Variants in MYL1 observed in about 807,000 individuals in gnomAD.
MYL1 encodes the protein myosin light chain 1.
In MYL1, 16 loss-of-function variants were observed where a neutral mutation model predicts 21.8. The ratio of observed to expected loss-of-function variants is 0.74; its 90% CI spans 0.50 to 1.12. The LOEUF (loss-of-function observed/expected upper bound fraction) is 1.12. Ranked by LOEUF, MYL1 falls within the 50% of genes most tolerant of loss-of-function variation. MYL1 has a pLI of 0.00. For synonymous variants in MYL1, 99 were observed against 85.2 expected (o/e 1.16, Z -0.89); for missense variants, 246 against 241.0 (o/e 1.02, Z -0.14).
rs1690280707 is a variant in MYL1 at position 210,302,618 on chromosome 2, T to G, written c.133-103A>C. 2.0e-6 allele frequency: 3 copies of G among 1,502,150 alleles called. No homozygotes were observed. The Admixed American group carries it at 6.1e-5, about 31-fold the overall frequency. The allele number at this position is 1,502,150 out of a possible 1,614,324, so 93.1% of individuals were successfully genotyped here. ...TCCCTGAGTAATCTTCAAAGTAAGC[T>G]CCAAAAGTCAGCCTACTTTTCAGAG... On this transcript the variant is annotated intron_variant, in intron 1 of 6. Transcript: ENST00000352451.
chr2:210,305,413 G>T (rs145946867), intron 1 of MYL1, among the ~76,000 whole-genome samples: 1 of 152,024 alleles, frequency 6.6e-6, no homozygotes. Context: ...GAAAGACAAA[G>T]GTGGAAATGT....
intron 3 of MYL1, 98 bp from the exon 4 acceptor site, chr2:210,294,516 C>T (rs2125739013): frequency 8.8e-7 from 1 of 1,134,294 alleles, no homozygotes; most frequent in East Asian, 2.5e-5. Context: ...ATCTGAAAAA[C>T]CTTCACACAG....
intron 1 of MYL1, 88 bp downstream of exon 1, chr2:210,314,823 A>G (rs947960292): frequency 7.1e-7 from 1 of 1,417,318 alleles, no homozygotes; most frequent in Admixed American, 1.8e-5. Flanking sequence ...TATTCCTCTC[A>G]ATGAAAAATA....
rs779392617 is a variant in MYL1, at chr2:210,302,518, G to A, written c.133-3C>T. ...TGCTGTTCCTTAGAGAACTCGATCT[G>A]TTAGAAAGAAATTGACCACAAAGAA... On this transcript the variant is annotated splice_region_variant and splice_polypyrimidine_tract_variant and intron_variant, in intron 1 of 6. Coordinates refer to ENST00000352451, the MANE Select transcript of MYL1 (RefSeq NM_079420.3). 4 of 1,609,112 alleles carry A rather than the reference G, an allele frequency of 2.5e-6. No individual in the cohort carries two copies. The highest frequency in any genetic ancestry group is 4.5e-5 in the East Asian group (2 of 44,824).
In MYL1 at chr2:210,298,339, TAC is replaced by T. The variant is rs112894708; in HGVS notation, c.304+79_304+80del. 364,370 of 1,168,034 alleles carry T rather than the reference TAC, an allele frequency of 0.31. 20,643 individuals carry two copies. The highest frequency in any genetic ancestry group is 0.34 in the Non-Finnish European group (270,536 of 803,204). The allele number at this position is 1,168,034 out of a possible 1,614,324, so 72.4% of individuals were successfully genotyped here. A position where few individuals can be genotyped will look rare whatever the true frequency, so the allele number is the denominator to read the frequency against. On this transcript the variant is annotated intron_variant, in intron 3 of 6. Transcript: ENST00000352451. Reference sequence around the variant, plus strand: ...ACACATACTACACACACACACATACTACACACACACACACACACACACACACA... The same window carrying T: ...ACACATACTACACACACACACATACTACACACACACACACACACACACACA...
chr2:210,309,768 G>A (rs1575707312), intron 1 of MYL1, among the ~76,000 whole-genome samples: 1 of 151,994 alleles, frequency 6.6e-6, no homozygotes, highest in Non-Finnish European at 1.5e-5. Context: ...CAACTTGCCA[G>A]GGGTTCATTT....
intron 1 of MYL1, among the ~76,000 whole-genome samples, chr2:210,308,016 C>G (rs929168920): frequency 6.6e-6 from 1 of 151,826 alleles, no homozygotes; most frequent in African/African-American, 2.4e-5. Flanking sequence ...ATGTCGAATA[C>G]TGGGGGAAAA....
At chr2:210,296,139 C>G (rs532643400) in intron 3 of MYL1, among the ~76,000 whole-genome samples, 1 of 152,264 alleles carries the variant, frequency 6.6e-6, no homozygotes, top group South Asian at 2.1e-4. Context: ...AGTTTTGTAT[C>G]TCTTTCAAAA....
chr2:210,305,394 A>C (rs1437507329), intron 1 of MYL1, among the ~76,000 whole-genome samples: 1 of 152,200 alleles, frequency 6.6e-6, no homozygotes, highest in Non-Finnish European at 1.5e-5. Flanking sequence ...CATTGGGGGA[A>C]ATGGAAGGGA....
chr2:210,303,076 C>G, intron 1 of MYL1: 1 of 453,642 alleles, frequency 2.2e-6, no homozygotes, highest in East Asian at 3.8e-5. Flanking sequence ...TAATAAGATA[C>G]ACGGTGTTAA....
Position 210,309,540 on chromosome 2 carries a change from A to ATTGTAAT in MYL1, c.132+5364_132+5370dup, listed in dbSNP as rs1175848087. 2.0e-5 allele frequency among the ~76,000 whole-genome samples: 3 copies of ATTGTAAT among 152,164 alleles called. No individual in the cohort carries two copies. The East Asian group carries it at 5.8e-4, about 29-fold the overall frequency. On this transcript the variant is annotated intron_variant, in intron 1 of 6. Coordinates refer to ENST00000352451, the MANE Select transcript of MYL1 (RefSeq NM_079420.3). ...TAATTGAAGCCATTTCTACTTTTAT[A>ATTGTAAT]TTGTAATTTTTGCCCTTCAAATTCT... is the stretch of plus-strand genomic sequence containing the variant.
intron 3 of MYL1, 143 bp downstream of exon 3, chr2:210,298,277 A>C: frequency 1.0e-6 from 1 of 970,638 alleles, no homozygotes; most frequent in South Asian, 2.0e-5. Flanking sequence ...CTATTATGTG[A>C]AACATTTTTA....
At chr2:210,305,241 T>C (rs1437906585) in intron 1 of MYL1, among the ~76,000 whole-genome samples, 1 of 152,202 alleles carries the variant, frequency 6.6e-6, no homozygotes, top group African/African-American at 2.4e-5. Context: ...AAATATCTCA[T>C]AGAATCTTGA....
chr2:210,298,339 T>TACACAC lies in MYL1; in HGVS notation c.304+75_304+80dup, dbSNP rs112894708. 0.16 allele frequency: 184,168 copies of TACACAC among 1,175,300 alleles called. 4,098 individuals are homozygous for TACACAC. The highest frequency in any genetic ancestry group is 0.27 in the Middle Eastern group (1,150 of 4,182). 72.8% of individuals were successfully genotyped at this position (1,175,300 alleles called of 1,614,324 possible). A position where few individuals can be genotyped will look rare whatever the true frequency, so the allele number is the denominator to read the frequency against. On this transcript the variant is annotated intron_variant, in intron 3 of 6. Coordinates refer to ENST00000352451, the MANE Select transcript of MYL1 (RefSeq NM_079420.3). ...ACACATACTACACACACACACATAC[T>TACACAC]ACACACACACACACACACACACACA...
intron 5 of MYL1, among the ~76,000 whole-genome samples, chr2:210,292,202 G>A (rs1242698889): frequency 1.3e-5 from 2 of 152,212 alleles, no homozygotes; most frequent in South Asian, 4.1e-4. Flanking sequence ...CTGAGTAGCT[G>A]GGACTACAGG....
At chr2:210,314,884 G>T in intron 1 of MYL1, 27 bp downstream of exon 1, 2 of 1,612,916 alleles carry the variant, frequency 1.2e-6, no homozygotes, top group South Asian at 2.2e-5. Flanking sequence ...ATGTTTCAGT[G>T]ACCAAACAGT....
At chr2:210,302,449 T>G in intron 2 of MYL1, 39 bp downstream of exon 2, 1 of 1,585,852 alleles carries the variant, frequency 6.3e-7, no homozygotes, top group Non-Finnish European at 8.6e-7. Context: ...GCCATCTTTA[T>G]GAGTGTGCAC....
At chr2:210,295,926 A>T (rs949903233) in intron 3 of MYL1, among the ~76,000 whole-genome samples, 3 of 152,122 alleles carry the variant, frequency 2.0e-5, no homozygotes, top group Middle Eastern at 3.2e-3. Flanking sequence ...ACATGATGTA[A>T]TTGGAAATTT....
rs530277206 is a variant in MYL1, at chr2:210,302,980, A to C, written c.133-465T>G. On this transcript the variant is annotated intron_variant, in intron 1 of 6. Transcript: ENST00000352451. ...AGCTATTGCAAAAGATAATTAGGGA[A>C]TATCTTTCTGCATCTTAATGATTTA... 1.3e-5 allele frequency: 8 copies of C among 601,056 alleles called. No homozygotes were observed. The African/African-American group carries it at 1.5e-4, about 11-fold the overall frequency. The allele number at this position is 601,056 out of a possible 1,614,324, so 37.2% of individuals were successfully genotyped here.
Sources: allele counts gnomAD v4.1 joint callset (sites outside exome capture counted in the v4.1 genomes callset), GRCh38; gene constraint gnomAD v4.1.1; transcripts MANE v1.5; gene names NCBI Gene and HGNC (gene_info 2026-07-23, HGNC 2026-07-21).